The following DEFB110 variants were observed in gnomAD, a reference collection of about 807,000 sequenced individuals.
The protein encoded by DEFB110 is beta-defensin 110.
DEFB110 carries 4 observed loss-of-function variants against 2.5 expected under a neutral mutation model. The observed-to-expected ratio is 1.60, with a 90% CI of 0.79 to 3.66. The LOEUF is 3.66. Ranked by LOEUF, DEFB110 falls within the 30% of genes most tolerant of loss-of-function variation. The pLI is 0.01. For synonymous variants in DEFB110, 29 were observed against 21.8 expected (o/e 1.33, Z -0.92); for missense variants, 94 against 75.4 (o/e 1.25, Z -0.91).
downstream of DEFB110, among the ~76,000 whole-genome samples, chr6:50,017,254 T>C (rs1227638143): frequency 1.3e-5 from 2 of 151,890 alleles, no homozygotes; most frequent in South Asian, 2.1e-4. Flanking sequence ...ATGTAATATA[T>C]AAAAAATTTA....
chr6:50,018,760 G>T, downstream of DEFB110: 1 of 1,202,578 alleles, frequency 8.3e-7, no homozygotes, highest in Non-Finnish European at 1.0e-6. Flanking sequence ...CATAAAATAA[G>T]TCCTGCTACT....
intron 1 of DEFB110, among the ~76,000 whole-genome samples, chr6:50,021,207 T>C (rs1774413318): frequency 6.6e-6 from 1 of 152,158 alleles, no homozygotes; most frequent in African/African-American, 2.4e-5. Flanking sequence ...TATTGATCTT[T>C]TGAATAGGAC....
At chr6:50,014,050 T>C (rs1001353343), downstream of DEFB110, among the ~76,000 whole-genome samples, 2 of 151,682 alleles carry the variant, frequency 1.3e-5, no homozygotes, top group African/African-American at 2.4e-5. Flanking sequence ...CAAGATAATA[T>C]AGAGAAAGCA....
intron 1 of DEFB110, among the ~76,000 whole-genome samples, chr6:50,019,584 A>C (rs918093911): frequency 2.6e-5 from 4 of 151,972 alleles, no homozygotes; most frequent in African/African-American, 9.7e-5. Flanking sequence ...ACGCTAGTGA[A>C]TTTGTCTAAA....
At chr6:50,012,581 A>C (rs939743543) in intron 1 of DEFB110, among the ~76,000 whole-genome samples, 1 of 152,010 alleles carries the variant, frequency 6.6e-6, no homozygotes, top group Non-Finnish European at 1.5e-5. Flanking sequence ...GTGGCAATCA[A>C]ATGAGGTAAT....
intron 1 of DEFB110, among the ~76,000 whole-genome samples, chr6:50,010,884 CA>C (rs1774215611): frequency 6.6e-6 from 1 of 151,296 alleles, no homozygotes; most frequent in Non-Finnish European, 1.5e-5. Flanking sequence ...AAGATATATT[CA>C]AATTAGAAAA....
chr6:50,011,174 T>C (rs1774221816), intron 1 of DEFB110, among the ~76,000 whole-genome samples: 1 of 151,150 alleles, frequency 6.6e-6, no homozygotes, highest in Non-Finnish European at 1.5e-5. Context: ...TTATAATACA[T>C]ATAGATAAAT....
downstream of DEFB110, among the ~76,000 whole-genome samples, chr6:50,018,306 T>G (rs2113941667): frequency 6.6e-6 from 1 of 152,124 alleles, no homozygotes; most frequent in Non-Finnish European, 1.5e-5. Flanking sequence ...ACTTCTTTGG[T>G]CTAAATTTTC....
chr6:50,012,355 TACTC>T (rs1774241674), intron 1 of DEFB110, among the ~76,000 whole-genome samples: 1 of 151,918 alleles, frequency 6.6e-6, no homozygotes, highest in South Asian at 2.1e-4. Flanking sequence ...TGAAACAAAT[TACTC>T]AATAAATAAG....
chr6:50,010,904 A>G (rs1774216182), intron 1 of DEFB110, among the ~76,000 whole-genome samples: 2 of 151,836 alleles, frequency 1.3e-5, no homozygotes, highest in South Asian at 4.1e-4. Context: ...AAAAGTATAC[A>G]CATAGAAATA....
downstream of DEFB110, among the ~76,000 whole-genome samples, chr6:50,016,614 T>C (rs1218646306): frequency 4.0e-5 from 6 of 151,850 alleles, no homozygotes; most frequent in African/African-American, 1.4e-4. Context: ...GCAGAGTAAT[T>C]AGTAACACCT....
At chr6:50,009,236 T>C (rs566078574) in exon 2 of DEFB110, 1 of 1,609,138 alleles carries the variant, frequency 6.2e-7, no homozygotes, top group South Asian at 1.1e-5. Context: ...TTTTCGCATC[T>C]TTCAAATCTA....
chr6:50,021,908 G>C lies in DEFB110; in HGVS notation c.28C>G (p.Leu10Val). Reference protein sequence around the residue: MKIQLFFFILHFWVTILPAK... With the variant: MKIQLFFFIVHFWVTILPAK... ...GGTAAAATTGTGACCCAAAAGTGCA[G>C]AATAAAGAAAAAAAGTTGAATCTTC... is the stretch of plus-strand genomic sequence containing the variant. Residue 10 changes from leucine (L) to valine (V), a missense_variant, in exon 1 of 2, where the codon CTG (leucine) becomes GTG (valine). By Grantham distance (32) the Leu-to-Val change is conservative. Transcript: ENST00000371148. The C allele has an allele frequency of 6.4e-7, 1 of 1,553,404 alleles. No individual in the cohort carries two copies.
At chr6:50,019,167 T>A in intron 1 of DEFB110, 42 bp from the exon 2 acceptor site, 1 of 1,583,328 alleles carries the variant, frequency 6.3e-7, no homozygotes, top group Non-Finnish European at 8.6e-7. Context: ...CATCTAGCTA[T>A]GACACATCCA....
intron 1 of DEFB110, among the ~76,000 whole-genome samples, chr6:50,021,631 T>A (rs1289515149): frequency 6.6e-6 from 1 of 152,196 alleles, no homozygotes; most frequent in Non-Finnish European, 1.5e-5. Context: ...TAATTAAGAT[T>A]AACGAATTAA....
At position 50,018,947 on chromosome 6, in the gene DEFB110, G is replaced by A. The variant is rs147471663; in HGVS notation, c.*30C>T. 1.2e-4 allele frequency: 187 copies of A among 1,596,002 alleles called. No homozygotes were observed. In the Middle Eastern group the frequency reaches 4.5e-3, roughly 39 times the overall value. ...CTTAATAACGCTGGTCTCTCTTCTT[G>A]GAGCTTGTGACTCTTTTCTTCTGTC... On this transcript the variant is annotated 3_prime_UTR_variant, in exon 2 of 2. Transcript: ENST00000371148.
At chr6:50,013,636 A>G (rs1259623652) in intron 1 of DEFB110, among the ~76,000 whole-genome samples, 1 of 151,846 alleles carries the variant, frequency 6.6e-6, no homozygotes, top group East Asian at 1.9e-4. Flanking sequence ...GAAATGATGA[A>G]TAAGATAATT....
chr6:50,017,618 T>C (rs2113941129), downstream of DEFB110, among the ~76,000 whole-genome samples: 1 of 151,980 alleles, frequency 6.6e-6, no homozygotes, highest in Admixed American at 6.6e-5. Context: ...CTGTTATAAA[T>C]AACTATTGTA....
chr6:50,012,405 A>G (rs1774243027), intron 1 of DEFB110, among the ~76,000 whole-genome samples: 1 of 152,010 alleles, frequency 6.6e-6, no homozygotes, highest in African/African-American at 2.4e-5. Context: ...GTGAATGCAT[A>G]TGTTATTACA....
Sources: gnomAD v4.1 joint callset for allele counts (sites outside exome capture counted in the v4.1 genomes callset) on GRCh38, gnomAD v4.1.1 for gene constraint, MANE v1.5 for transcripts, NCBI Gene and HGNC (gene_info 2026-07-23, HGNC 2026-07-21) for gene names.